RBMS3: variants seen among roughly 807,000 people sequenced by gnomAD.
RBMS3 encodes the protein RNA-binding motif, single-stranded-interacting protein 3.
Under a neutral mutation model 66.8 loss-of-function variants are expected in RBMS3, and 27 were observed. The observed-to-expected ratio is 0.40, with a 90% confidence interval of 0.30 to 0.56. RBMS3 has a LOEUF of 0.56. Ranked by LOEUF, RBMS3 falls within the 20% of genes least tolerant of loss-of-function variation. RBMS3 has a pLI of 0.40. For synonymous variants in RBMS3, 188 were observed against 183.0 expected, an observed-to-expected ratio of 1.03 and a Z score of -0.22; for missense variants, 513 against 549.5, an observed-to-expected ratio of 0.93 and a Z score of 0.66.
chr3:29,411,900 A>G (rs2040280529), intron 1 of RBMS3, among the ~76,000 whole-genome samples: 1 of 152,230 alleles, frequency 6.6e-6, no homozygotes, highest in Non-Finnish European at 1.5e-5. Flanking sequence ...TGAATGCCCC[A>G]TGTCTGTCAA....
chr3:29,452,672 C>T (rs1406029509), intron 2 of RBMS3, among the ~76,000 whole-genome samples: 1 of 152,080 alleles, frequency 6.6e-6, no homozygotes, highest in Non-Finnish European at 1.5e-5. Flanking sequence ...TTATTAATGT[C>T]CCATCAAATT....
intron 10 of RBMS3, among the ~76,000 whole-genome samples, chr3:29,900,521 C>T (rs1372305352): frequency 6.6e-6 from 1 of 151,628 alleles, no homozygotes; most frequent in African/African-American, 2.4e-5. Flanking sequence ...CCTAAGTCTT[C>T]CAGGGTTTCT....
intron 4 of RBMS3, among the ~76,000 whole-genome samples, chr3:29,674,430 AG>A (rs2051145163): frequency 6.6e-6 from 1 of 152,138 alleles, no homozygotes; most frequent in African/African-American, 2.4e-5. Flanking sequence ...AAAGAAAGAA[AG>A]GGTATTCAGT....
chr3:29,466,545 T>A (rs1314819430), intron 2 of RBMS3, among the ~76,000 whole-genome samples: 1 of 152,170 alleles, frequency 6.6e-6, no homozygotes, highest in Non-Finnish European at 1.5e-5. Flanking sequence ...TCTGAAAACA[T>A]GAACAAACAC....
intron 4 of RBMS3, among the ~76,000 whole-genome samples, chr3:29,700,932 A>G (rs184009946): frequency 5.1e-4 from 78 of 152,252 alleles, no homozygotes; most frequent in African/African-American, 1.8e-3. Flanking sequence ...AGAAAGGTGA[A>G]GAAGTTGGAA....
At chr3:29,376,261 T>C (rs2038458669) in intron 1 of RBMS3, among the ~76,000 whole-genome samples, 1 of 152,058 alleles carries the variant, frequency 6.6e-6, no homozygotes, top group African/African-American at 2.4e-5. Context: ...AATACCTAAG[T>C]GATGGGATCA....
chr3:29,799,124 C>G (rs2057309950), intron 6 of RBMS3, among the ~76,000 whole-genome samples: 1 of 152,130 alleles, frequency 6.6e-6, no homozygotes, highest in Admixed American at 6.6e-5. Context: ...CAATGCCTCT[C>G]AGTCATCCAT....
chr3:29,365,504 T>C (rs1445235938), intron 1 of RBMS3, among the ~76,000 whole-genome samples: 2 of 152,112 alleles, frequency 1.3e-5, no homozygotes, highest in Non-Finnish European at 2.9e-5. Context: ...CTGGATCTTC[T>C]AGGCTAAAAT....
chr3:29,733,081 C>A (rs1485744602), intron 4 of RBMS3, among the ~76,000 whole-genome samples: 1 of 152,052 alleles, frequency 6.6e-6, no homozygotes, highest in African/African-American at 2.4e-5. Flanking sequence ...ATATTAAAAA[C>A]TCTGCTCCAT....
chr3:29,435,858 C>T (rs1312453751), intron 2 of RBMS3, among the ~76,000 whole-genome samples: 2 of 150,830 alleles, frequency 1.3e-5, no homozygotes, highest in Admixed American at 6.6e-5. Context: ...GCCTGTAGTC[C>T]GAGCTACTCA....
intron 1 of RBMS3, among the ~76,000 whole-genome samples, chr3:29,431,164 A>G (rs943523165): frequency 2.0e-5 from 3 of 152,216 alleles, no homozygotes; most frequent in African/African-American, 7.2e-5. Flanking sequence ...TATTTAATCC[A>G]AATACCAGGA....
chr3:29,776,390 G>A (rs1349428756), intron 6 of RBMS3, among the ~76,000 whole-genome samples: 3 of 151,744 alleles, frequency 2.0e-5, no homozygotes, highest in Admixed American at 6.6e-5. Context: ...TAATTGTTCC[G>A]CACCCATTAA....
At position 29,739,811 on chromosome 3, in the gene RBMS3, G is replaced by A; in HGVS notation, c.491G>A (p.Gly164Glu). ...QELENMLKPF[G>E]HVISTRILRD... ...CTTGAGAATATGCTGAAACCCTTTG[G>A]ACATGTCATTTCCACAAGAATACTA... The change falls in exon 5 of 15, where the codon GGA (glycine) becomes GAA (glutamate). Residue 164 changes from glycine (G) to glutamate (E), a missense_variant. Physicochemically the swap from Gly to Glu is moderately conservative, Grantham distance 98 (BLOSUM62 -2). Transcript: ENST00000383767. 1 of 1,613,250 alleles carries A rather than the reference G, an allele frequency of 6.2e-7. No homozygotes were observed.
intron 6 of RBMS3, among the ~76,000 whole-genome samples, chr3:29,779,373 C>A (rs1028720828): frequency 6.6e-6 from 1 of 151,402 alleles, no homozygotes; most frequent in African/African-American, 2.4e-5. Context: ...TATTAAAAAG[C>A]TCCAATTAGA....
chr3:29,790,512 T>C (rs1436945382), intron 6 of RBMS3, among the ~76,000 whole-genome samples: 1 of 152,172 alleles, frequency 6.6e-6, no homozygotes, highest in East Asian at 1.9e-4. Context: ...CATTAGAATA[T>C]CCTGTCTTGA....
chr3:29,902,075 A>T lies in RBMS3; in HGVS notation c.939+2320A>T, dbSNP rs2060268126. ...CTGAATCTGAGAAGAATTAATGAGGAACTTGATGATTAACAACATGGATTC... is the reference window on the plus strand; with the variant it reads ...CTGAATCTGAGAAGAATTAATGAGGTACTTGATGATTAACAACATGGATTC... On this transcript the variant is annotated intron_variant, in intron 10 of 14. Coordinates refer to ENST00000383767, the MANE Select transcript of RBMS3 (RefSeq NM_001003793.3). 4.0e-5 allele frequency among the ~76,000 whole-genome samples: 6 copies of T among 151,852 alleles called. 1 individual carries two copies. Among genetic ancestry groups the T allele is most frequent in the Admixed American group, 4.0e-4 (6 of 15,186 alleles).
chr3:29,529,847 G>A (rs1302387960), intron 3 of RBMS3, among the ~76,000 whole-genome samples: 1 of 152,110 alleles, frequency 6.6e-6, no homozygotes, highest in African/African-American at 2.4e-5. Context: ...GGCATTGTTT[G>A]TAAAATTCCA....
intron 1 of RBMS3, among the ~76,000 whole-genome samples, chr3:29,364,236 A>G (rs1422322604): frequency 2.6e-5 from 4 of 152,210 alleles, no homozygotes; most frequent in African/African-American, 9.6e-5. Context: ...GATATGTTAT[A>G]TAAAAATTGA....
intron 1 of RBMS3, among the ~76,000 whole-genome samples, chr3:29,433,960 G>A (rs768143107): frequency 4.6e-5 from 7 of 152,126 alleles, no homozygotes; most frequent in Non-Finnish European, 8.8e-5. Flanking sequence ...TGGGGAATGG[G>A]CATTACTAGA....
Sources: gnomAD v4.1 joint callset for allele counts (sites outside exome capture counted in the v4.1 genomes callset) on GRCh38, gnomAD v4.1.1 for gene constraint, MANE v1.5 for transcripts, NCBI Gene and HGNC (gene_info 2026-07-23, HGNC 2026-07-21) for gene names.